The following GALNTL6 variants were observed in gnomAD, a reference collection of about 807,000 sequenced individuals.
The protein encoded by GALNTL6 is polypeptide N-acetylgalactosaminyltransferase-like 6.
Under a neutral mutation model 73.7 loss-of-function variants are expected in GALNTL6, and 46 were observed. The observed-to-expected ratio is 0.62, with a 90% CI of 0.49 to 0.80. The LOEUF (loss-of-function observed/expected upper bound fraction) is 0.80. GALNTL6 is among the 30% of genes least tolerant of loss of function. GALNTL6 has a pLI of 0.00. For missense variants in GALNTL6, 604 were observed against 755.0 expected, an observed-to-expected ratio of 0.80 and a Z score of 2.34; for synonymous variants, 259 against 263.7, an observed-to-expected ratio of 0.98 and a Z score of 0.17.
chr4:172,310,228 A>C (rs2661805), intron 3 of GALNTL6, among the ~76,000 whole-genome samples: 1 of 151,904 alleles, frequency 6.6e-6, no homozygotes, highest in Non-Finnish European at 1.5e-5. Flanking sequence ...AATTTTGTAC[A>C]TAGCATTTTA....
intron 5 of GALNTL6, among the ~76,000 whole-genome samples, chr4:172,358,539 T>C (rs1742246673): frequency 6.6e-6 from 1 of 152,208 alleles, no homozygotes; most frequent in African/African-American, 2.4e-5. Flanking sequence ...TGTTTTTAAC[T>C]CATCAGCTAT....
intron 2 of GALNTL6, among the ~76,000 whole-genome samples, chr4:172,136,891 A>G (rs2111029438): frequency 6.6e-6 from 1 of 152,156 alleles, no homozygotes; most frequent in East Asian, 1.9e-4. Flanking sequence ...CAAAGACCCC[A>G]TAGCAATTAA....
At chr4:172,311,999 A>T (rs1257786248) in intron 4 of GALNTL6, among the ~76,000 whole-genome samples, 4 of 152,196 alleles carry the variant, frequency 2.6e-5, no homozygotes, top group African/African-American at 9.7e-5. Context: ...TAACTCATTA[A>T]CATAAAATAT....
chr4:172,240,910 A>T (rs762737975), intron 3 of GALNTL6, among the ~76,000 whole-genome samples: 2 of 152,212 alleles, frequency 1.3e-5, no homozygotes, highest in African/African-American at 4.8e-5. Flanking sequence ...AAAGAAAAAG[A>T]CACACTGGCT....
chr4:172,931,408 T>C, intron 9 of GALNTL6, 140 bp downstream of exon 9: 3 of 637,814 alleles, frequency 4.7e-6, no homozygotes, highest in Non-Finnish European at 8.6e-6. Flanking sequence ...CTTATTTCCA[T>C]TGCTTAAAGA....
intron 5 of GALNTL6, among the ~76,000 whole-genome samples, chr4:172,780,850 C>A (rs1739336842): frequency 1.3e-5 from 2 of 152,206 alleles, no homozygotes; most frequent in South Asian, 2.1e-4. Context: ...CTGGGCCCTG[C>A]AACTACATCA....
Position 171,971,564 on chromosome 4 carries a change from A to T in GALNTL6, c.138+156846A>T, listed in dbSNP as rs926274297. On this transcript the variant is annotated intron_variant, in intron 2 of 12. Coordinates refer to ENST00000506823, the MANE Select transcript of GALNTL6 (RefSeq NM_001034845.3). Reference sequence around the variant, plus strand: ...AAGGCTTACCTATTACCAAGTGAAGAATTATTGAGCATTTCTTTGTGAAGT... The same window carrying T: ...AAGGCTTACCTATTACCAAGTGAAGTATTATTGAGCATTTCTTTGTGAAGT... 4.6e-5 allele frequency among the ~76,000 whole-genome samples: 7 copies of T among 152,312 alleles called. No homozygotes were observed. In the South Asian group the frequency reaches 8.3e-4, roughly 18 times the overall value.
intron 7 of GALNTL6, among the ~76,000 whole-genome samples, chr4:172,845,861 A>G (rs1297294122): frequency 6.6e-6 from 1 of 152,210 alleles, no homozygotes; most frequent in Non-Finnish European, 1.5e-5. Flanking sequence ...AATTTGTGTA[A>G]TGTTTAAATT....
At chr4:172,071,837 A>G (rs1047725485) in intron 2 of GALNTL6, among the ~76,000 whole-genome samples, 1 of 152,216 alleles carries the variant, frequency 6.6e-6, no homozygotes, top group East Asian at 1.9e-4. Context: ...TTGGCATAAG[A>G]AAACTAAAGG....
chr4:172,549,955 T>C (rs1735897945), intron 5 of GALNTL6, among the ~76,000 whole-genome samples: 2 of 152,186 alleles, frequency 1.3e-5, no homozygotes, highest in African/African-American at 4.8e-5. Context: ...ATCACAAATA[T>C]CTTTCCGTGT....
At chr4:172,631,161 A>T (rs1007529665) in intron 5 of GALNTL6, among the ~76,000 whole-genome samples, 9 of 151,040 alleles carry the variant, frequency 6.0e-5, no homozygotes, top group Admixed American at 2.6e-4. Flanking sequence ...TTTTTTTTTT[A>T]AATGGAGTCT....
At chr4:172,737,087 T>C (rs1467755764) in intron 5 of GALNTL6, among the ~76,000 whole-genome samples, 1 of 152,210 alleles carries the variant, frequency 6.6e-6, no homozygotes, top group Non-Finnish European at 1.5e-5. Context: ...ACTAATACTG[T>C]ATTCTTATTT....
intron 2 of GALNTL6, among the ~76,000 whole-genome samples, chr4:172,046,063 A>G (rs1742210867): frequency 6.6e-6 from 1 of 152,022 alleles, no homozygotes; most frequent in African/African-American, 2.4e-5. Context: ...TTCATAGTGT[A>G]TATATACCAC....
chr4:172,059,095 A>G (rs1353799663), intron 2 of GALNTL6, among the ~76,000 whole-genome samples: 1 of 152,208 alleles, frequency 6.6e-6, no homozygotes, highest in African/African-American at 2.4e-5. Context: ...AGGCTTGTGC[A>G]AGTAAGCAGA....
chr4:172,210,408 T>G (rs934641940), intron 2 of GALNTL6, among the ~76,000 whole-genome samples: 1 of 152,126 alleles, frequency 6.6e-6, no homozygotes, highest in Non-Finnish European at 1.5e-5. Flanking sequence ...TAACATCATA[T>G]CTCCTTAGGC....
At chr4:172,216,356 A>C (rs1736498437) in intron 2 of GALNTL6, among the ~76,000 whole-genome samples, 1 of 151,794 alleles carries the variant, frequency 6.6e-6, no homozygotes, top group Non-Finnish European at 1.5e-5. Flanking sequence ...AATATGTTCA[A>C]TATTTCATTC....
chr4:172,631,652 C>A (rs1340743859), intron 5 of GALNTL6, among the ~76,000 whole-genome samples: 1 of 152,142 alleles, frequency 6.6e-6, no homozygotes, highest in Non-Finnish European at 1.5e-5. Context: ...GAATATTATT[C>A]TTGTAAAACT....
At chr4:172,963,415 A>T (rs1319502352) in intron 10 of GALNTL6, among the ~76,000 whole-genome samples, 1 of 152,124 alleles carries the variant, frequency 6.6e-6, no homozygotes, top group Non-Finnish European at 1.5e-5. Flanking sequence ...AAGCCATGTA[A>T]TTTATTTTTT....
intron 7 of GALNTL6, among the ~76,000 whole-genome samples, chr4:172,846,721 A>C (rs1014044246): frequency 6.6e-6 from 1 of 152,184 alleles, no homozygotes; most frequent in Admixed American, 6.5e-5. Flanking sequence ...TATTATTGCT[A>C]ATTTACAGAT....
Sources: allele counts gnomAD v4.1 joint callset (sites outside exome capture counted in the v4.1 genomes callset), GRCh38; gene constraint gnomAD v4.1.1; transcripts MANE v1.5; gene names NCBI Gene and HGNC (gene_info 2026-07-23, HGNC 2026-07-21).